The following GOLIM4 variants were observed in gnomAD, a reference collection of about 807,000 sequenced individuals.
The protein encoded by GOLIM4 is 130 kDa golgi-localized phosphoprotein.
Under a neutral mutation model 107.4 loss-of-function variants are expected in GOLIM4, and 71 were observed. The observed-to-expected ratio is 0.66, with a 90% confidence interval of 0.55 to 0.81. The LOEUF is 0.81. Among genes scored for constraint, GOLIM4 ranks in the 30% least tolerant of loss-of-function variants. The pLI, the probability that GOLIM4 is intolerant of heterozygous loss-of-function variation, is 0.00. For missense variants in GOLIM4, 830 were observed against 826.1 expected (o/e 1.00, Z -0.06); for synonymous variants, 327 against 294.8 (o/e 1.11, Z -1.12).
At chr3:168,022,275 G>A (rs1229555451) in intron 14 of GOLIM4, among the ~76,000 whole-genome samples, 1 of 151,884 alleles carries the variant, frequency 6.6e-6, no homozygotes, top group Admixed American at 6.6e-5. Context: ...GCAGCCACAG[G>A]CCTTGCATTC....
At chr3:168,035,729 T>G (rs1718610772) in intron 8 of GOLIM4, among the ~76,000 whole-genome samples, 1 of 151,966 alleles carries the variant, frequency 6.6e-6, no homozygotes, top group Admixed American at 6.6e-5. Context: ...TACAACAAAC[T>G]CCCATGACAC....
In GOLIM4 at chr3:168,036,698, C is replaced by T. The variant is rs184750035; in HGVS notation, c.843+138G>A. The T allele has an allele frequency of 7.3e-4, 469 of 638,810 alleles. 3 individuals are homozygous for T. The Middle Eastern group carries it at 0.011, about 15-fold the overall frequency. 39.6% of individuals were successfully genotyped at this position (638,810 alleles called of 1,614,324 possible). ...CCAGTAATCTGTGTTTTATCACGCC[C>T]TACTGGCAATTCTGATATACTAAAA... On this transcript the variant is annotated intron_variant, in intron 8 of 15. Coordinates refer to ENST00000470487, the MANE Select transcript of GOLIM4 (RefSeq NM_014498.5).
In GOLIM4 at chr3:168,081,016, C is replaced by T. The variant is rs372029741; in HGVS notation, c.187+14083G>A. The stretch of plus-strand genomic sequence containing the variant: ...CTCAGTTGAGTAGTGAGCATCAAAC[C>T]ACCCCACTGTGAAGTCAAGACAAGC... On this transcript the variant is annotated intron_variant, in intron 1 of 15. Coordinates refer to ENST00000470487, the MANE Select transcript of GOLIM4 (RefSeq NM_014498.5). 5.9e-5 allele frequency among the ~76,000 whole-genome samples: 9 copies of T among 152,206 alleles called. No individual in the cohort carries two copies. The East Asian group carries it at 9.7e-4, about 16-fold the overall frequency.
intron 1 of GOLIM4, among the ~76,000 whole-genome samples, chr3:168,091,027 G>C (rs1031860074): frequency 9.2e-6 from 1 of 108,572 alleles, no homozygotes; most frequent in Non-Finnish European, 1.8e-5. Flanking sequence ...GAGGCTAGCA[G>C]GGGGTGAGAG....
chr3:168,043,506 T>C lies in GOLIM4; in HGVS notation c.390A>G (p.Lys130=). The change falls in exon 5 of 16, where the codon AAA becomes AAG. Residue 130 remains lysine, a synonymous_variant. Coordinates refer to ENST00000470487, the MANE Select transcript of GOLIM4 (RefSeq NM_014498.5). ...GTTCCTCTTCCAAGTCACTGTGCTG[T>C]TTCTTTAGCTCCTCGTGTTGGCTCT... The part of the protein sequence containing the change: ...MLKSQHEELK[K]QHSDLEEEHR... 6.2e-7 allele frequency: 1 copy of C among 1,612,104 alleles called. No homozygotes were observed. The highest frequency in any genetic ancestry group is 8.5e-7 in the Non-Finnish European group (1 of 1,179,484).
intron 1 of GOLIM4, among the ~76,000 whole-genome samples, chr3:168,053,992 C>G (rs1245709856): frequency 6.6e-6 from 1 of 152,158 alleles, no homozygotes; most frequent in African/African-American, 2.4e-5. Context: ...GGAAGGACAT[C>G]GCTAGGGCAC....
rs776942605 is a variant in GOLIM4 at position 168,032,827 on chromosome 3, T to C, written c.869A>G (p.Gln290Arg). 4.0e-5 allele frequency: 65 copies of C among 1,612,536 alleles called. No individual in the cohort carries two copies. The highest frequency in any genetic ancestry group is 1.6e-4 in the Middle Eastern group (1 of 6,082). ...QEVSRNNDVW[Q>R]NHEAVPGRAE... is the part of the protein sequence containing the mutation. ...TCTTCCAGGAACTGCTTCATGGTTC[T>C]GCCACACATCATTATTTCGAGACAC... Residue 290 changes from glutamine to arginine, a missense_variant, in exon 9 of 16, where the codon CAG (glutamine) becomes CGG (arginine). Transcript: ENST00000470487.
rs575610194 is a variant in GOLIM4 at position 168,049,704 on chromosome 3, T to C, written c.188-1339A>G. On this transcript the variant is annotated intron_variant, in intron 1 of 15. Transcript: ENST00000470487. ...GTCATCAGGGTCCCAGAAAACTCCC[T>C]TTCCCCATCCCTGCAGCAATCCCTT... Among the ~76,000 whole-genome samples, 4 of 152,268 alleles carry C rather than the reference T, an allele frequency of 2.6e-5. 1 individual carries two copies. The East Asian group carries it at 7.7e-4, about 29-fold the overall frequency.
Position 168,010,165 on chromosome 3 carries a change from C to T in GOLIM4, c.*104G>A. ...CAAAAGTTTTAAAAAAGTCTAAGTTCTTAATTTTTGTAATTAAATATCCTA... is the reference window on the plus strand; with the variant it reads ...CAAAAGTTTTAAAAAAGTCTAAGTTTTTAATTTTTGTAATTAAATATCCTA... On this transcript the variant is annotated 3_prime_UTR_variant, in exon 16 of 16. Transcript: ENST00000470487. The T allele has an allele frequency of 9.6e-7, 1 of 1,046,322 alleles. No homozygotes were observed. The highest frequency in any genetic ancestry group is 2.0e-5 in the South Asian group (1 of 49,900). 64.8% of individuals were successfully genotyped at this position (1,046,322 alleles called of 1,614,324 possible). A position where few individuals can be genotyped will look rare whatever the true frequency, so the allele number is the denominator to read the frequency against.
At chr3:168,074,641 AAC>A (rs1720983045) in intron 1 of GOLIM4, among the ~76,000 whole-genome samples, 1 of 152,212 alleles carries the variant, frequency 6.6e-6, no homozygotes, top group African/African-American at 2.4e-5. Flanking sequence ...TCATCTTTGT[AAC>A]CTACTGGGCT....
intron 8 of GOLIM4, among the ~76,000 whole-genome samples, chr3:168,035,708 A>C (rs1359697976): frequency 6.6e-6 from 1 of 152,224 alleles, no homozygotes; most frequent in Non-Finnish European, 1.5e-5. Flanking sequence ...GCTGGGTGAT[A>C]AGATAATCTT....
At chr3:168,011,874 C>T (rs1717057859) in intron 14 of GOLIM4, among the ~76,000 whole-genome samples, 1 of 138,450 alleles carries the variant, frequency 7.2e-6, no homozygotes, top group South Asian at 2.1e-4. Flanking sequence ...AAAGGACATC[C>T]ACACCAAAAA....
chr3:168,085,992 C>T (rs1181275605), intron 1 of GOLIM4, among the ~76,000 whole-genome samples: 3 of 152,054 alleles, frequency 2.0e-5, no homozygotes, highest in Non-Finnish European at 4.4e-5. Context: ...AGGGGCCTCA[C>T]CCACACCTGG....
At chr3:168,070,787 GGTTA>G (rs773266756) in intron 1 of GOLIM4, among the ~76,000 whole-genome samples, 5 of 152,138 alleles carry the variant, frequency 3.3e-5, no homozygotes, top group Non-Finnish European at 7.3e-5. Context: ...GAAAGGGAAA[GGTTA>G]TTTATTCAAT....
rs1190454775 is a variant in GOLIM4 at position 168,024,447 on chromosome 3, C to T, written c.1860+79G>A. On this transcript the variant is annotated intron_variant, in intron 14 of 15. Coordinates refer to ENST00000470487, the MANE Select transcript of GOLIM4 (RefSeq NM_014498.5). Reference sequence around the variant, plus strand: ...ATTTCTGTGGAAGGCATGTCAAAGTCAATACTGCTGAGGTTTGTTTAAGGT... The same window carrying T: ...ATTTCTGTGGAAGGCATGTCAAAGTTAATACTGCTGAGGTTTGTTTAAGGT... 4.8e-6 allele frequency: 5 copies of T among 1,047,314 alleles called. No individual in the cohort carries two copies. The East Asian group carries it at 1.2e-4, about 25-fold the overall frequency. The allele number at this position is 1,047,314 out of a possible 1,614,324, so 64.9% of individuals were successfully genotyped here.
Position 168,043,533 on chromosome 3 carries a change from CA to C in GOLIM4, c.367-5del, listed in dbSNP as rs771551614. ...TCTTTAGCTCCTCGTGTTGGCTCTG[CA>C]AAGATGAAAACTTGAGTAGAAATAT... On this transcript the variant is annotated splice_region_variant and splice_polypyrimidine_tract_variant and intron_variant, in intron 4 of 15. Coordinates refer to ENST00000470487, the MANE Select transcript of GOLIM4 (RefSeq NM_014498.5). The C allele has an allele frequency of 1.3e-6, 2 of 1,596,202 alleles. No individual in the cohort carries two copies. The highest frequency in any genetic ancestry group is 1.7e-6 in the Non-Finnish European group (2 of 1,174,892).
At chr3:168,039,940 C>A (rs1012363676) in intron 7 of GOLIM4, among the ~76,000 whole-genome samples, 7 of 152,156 alleles carry the variant, frequency 4.6e-5, no homozygotes, top group Admixed American at 2.6e-4. Context: ...ATGCTACAGC[C>A]TCTGAGATGG....
chr3:168,072,518 C>CTTAAGTAAAA (rs1323122062), intron 1 of GOLIM4, among the ~76,000 whole-genome samples: 4 of 151,720 alleles, frequency 2.6e-5, no homozygotes, highest in Admixed American at 6.6e-5. Flanking sequence ...CAACAGAAAA[C>CTTAAGTAAAA]TTAAGTAAAA....
chr3:168,076,101 C>A (rs559961358), intron 1 of GOLIM4, among the ~76,000 whole-genome samples: 2 of 152,220 alleles, frequency 1.3e-5, no homozygotes, highest in Admixed American at 1.3e-4. Context: ...GAGACGACAT[C>A]TGCCTTTATA....
Sources: gnomAD v4.1 joint callset for allele counts (sites outside exome capture counted in the v4.1 genomes callset) on GRCh38, gnomAD v4.1.1 for gene constraint, MANE v1.5 for transcripts, NCBI Gene and HGNC (gene_info 2026-07-23, HGNC 2026-07-21) for gene names.